The following DNER variants were observed in gnomAD, a reference collection of about 807,000 sequenced individuals.
The protein encoded by DNER is delta and Notch-like epidermal growth factor-related receptor.
Under a neutral mutation model 78.2 loss-of-function variants are expected in DNER, and 33 were observed. The ratio of observed to expected loss-of-function variants is 0.42; its 90% CI spans 0.32 to 0.56. DNER has a LOEUF of 0.56. Ranked by LOEUF, DNER falls within the 20% of genes least tolerant of loss-of-function variation. The pLI, the probability that DNER is intolerant of heterozygous loss-of-function variation, is 0.11. For missense variants in DNER, 918 were observed against 975.3 expected (o/e 0.94, Z 0.78); for synonymous variants, 417 against 384.8 (o/e 1.08, Z -0.98).
At chr2:229,608,015 C>T (rs1183613975) in intron 1 of DNER, among the ~76,000 whole-genome samples, 1 of 99,804 alleles carries the variant, frequency 1.0e-5, no homozygotes, top group African/African-American at 4.0e-5. Flanking sequence ...GAGCGAAACT[C>T]TGTCTCAAAA....
At chr2:229,631,320 A>G (rs1361361724) in intron 1 of DNER, among the ~76,000 whole-genome samples, 1 of 152,114 alleles carries the variant, frequency 6.6e-6, no homozygotes, top group Non-Finnish European at 1.5e-5. Flanking sequence ...TTGTGGCTAC[A>G]AGTGTTTCCT....
At chr2:229,367,838 A>G (rs1365844821) in intron 11 of DNER, among the ~76,000 whole-genome samples, 1 of 152,208 alleles carries the variant, frequency 6.6e-6, no homozygotes, top group East Asian at 1.9e-4. Context: ...GCTCTGACCC[A>G]GATATTCCCA....
At chr2:229,553,694 C>T (rs1439013465) in intron 4 of DNER, among the ~76,000 whole-genome samples, 6 of 152,150 alleles carry the variant, frequency 3.9e-5, no homozygotes, top group African/African-American at 1.2e-4. Flanking sequence ...CAGGTTCCTC[C>T]GTACTTCAAT....
At chr2:229,392,004 G>A (rs746924180) in intron 10 of DNER, among the ~76,000 whole-genome samples, 16 of 152,084 alleles carry the variant, frequency 1.1e-4, no homozygotes, top group Non-Finnish European at 2.4e-4. Context: ...AGTCACCGCT[G>A]TTAGTAAATC....
intron 5 of DNER, among the ~76,000 whole-genome samples, chr2:229,514,861 C>T (rs1695938269): frequency 6.6e-6 from 1 of 152,210 alleles, no homozygotes; most frequent in Non-Finnish European, 1.5e-5. Flanking sequence ...TTTAGCTCGA[C>T]CAAACTGCCA....
At chr2:229,554,924 AGAGAAGAGAAGAGAGAAAAGGG>A (rs1696826575) in intron 4 of DNER, among the ~76,000 whole-genome samples, 278 of 50,176 alleles carry the variant, frequency 5.5e-3, no homozygotes, top group Middle Eastern at 0.021. Flanking sequence ...AGAGAAGAGA[AGAGAAGAGAAGAGAGAAAAGGG>A]AAGGGAAGGG....
intron 5 of DNER, among the ~76,000 whole-genome samples, chr2:229,533,415 C>T (rs1472847516): frequency 2.0e-5 from 3 of 152,072 alleles, no homozygotes; most frequent in Admixed American, 6.5e-5. Flanking sequence ...GAGGCAAAGC[C>T]GCGGCTTTGA....
At chr2:229,401,494 TA>T (rs1222967778) in intron 10 of DNER, among the ~76,000 whole-genome samples, 1 of 151,666 alleles carries the variant, frequency 6.6e-6, no homozygotes, top group Non-Finnish European at 1.5e-5. Context: ...TGCTCAGCAA[TA>T]AAAAGGGAGA....
intron 10 of DNER, among the ~76,000 whole-genome samples, chr2:229,393,004 C>T (rs1472956215): frequency 6.6e-6 from 1 of 151,742 alleles, no homozygotes; most frequent in Non-Finnish European, 1.5e-5. Context: ...TGAGAGCTAG[C>T]AGACAAAAAA....
chr2:229,600,606 T>G (rs893776345), intron 1 of DNER, among the ~76,000 whole-genome samples: 4 of 152,230 alleles, frequency 2.6e-5, no homozygotes, highest in Non-Finnish European at 5.9e-5. Flanking sequence ...CATAATTATG[T>G]GCAGGAAGGT....
intron 7 of DNER, among the ~76,000 whole-genome samples, chr2:229,471,123 A>T (rs1694915556): frequency 1.3e-5 from 2 of 152,112 alleles, no homozygotes; most frequent in South Asian, 4.1e-4. Context: ...CACCAAGATC[A>T]TACATGTTAG....
chr2:229,573,826 C>T (rs1222654207), intron 4 of DNER, among the ~76,000 whole-genome samples: 1 of 152,172 alleles, frequency 6.6e-6, no homozygotes, highest in Non-Finnish European at 1.5e-5. Flanking sequence ...ATTTCCTAAC[C>T]TTCCTGGCCA....
intron 6 of DNER, among the ~76,000 whole-genome samples, chr2:229,509,873 A>G (rs1202839842): frequency 6.6e-6 from 1 of 152,236 alleles, no homozygotes; most frequent in East Asian, 1.9e-4. Flanking sequence ...AAAGAGTCAC[A>G]CACACAAATG....
rs528508926 is a variant in DNER at position 229,362,212 on chromosome 2, T to G, written c.2103-3561A>C. On this transcript the variant is annotated intron_variant, in intron 12 of 12. Transcript: ENST00000341772. ...ATTCCATTGTCTTGTTTTCACTGATTGATCATCTCATCTCATCATCATAAC... is the reference window on the plus strand; with the variant it reads ...ATTCCATTGTCTTGTTTTCACTGATGGATCATCTCATCTCATCATCATAAC... 1.3e-3 allele frequency among the ~76,000 whole-genome samples: 204 copies of G among 152,334 alleles called. 1 individual carries two copies. Among genetic ancestry groups the G allele is most frequent in the African/African-American group, 4.8e-3 (198 of 41,574 alleles).
chr2:229,595,215 C>T (rs1385166806), intron 1 of DNER, among the ~76,000 whole-genome samples: 1 of 152,018 alleles, frequency 6.6e-6, no homozygotes, highest in Non-Finnish European at 1.5e-5. Context: ...TTCTATTTTA[C>T]AGTTGAGGCT....
intron 1 of DNER, among the ~76,000 whole-genome samples, chr2:229,602,745 G>A (rs1237964678): frequency 6.6e-6 from 1 of 152,068 alleles, no homozygotes; most frequent in African/African-American, 2.4e-5. Context: ...TAAATCAAAT[G>A]TTAAAAATGC....
chr2:229,712,334 G>A (rs547222989), intron 1 of DNER, among the ~76,000 whole-genome samples: 1 of 152,254 alleles, frequency 6.6e-6, no homozygotes, highest in African/African-American at 2.4e-5. Context: ...TCATCTTTAG[G>A]TGGCACTAAA....
chr2:229,511,327 C>T (rs1695860089), intron 6 of DNER, among the ~76,000 whole-genome samples: 2 of 152,196 alleles, frequency 1.3e-5, no homozygotes, highest in African/African-American at 4.8e-5. Context: ...TTTTAAGATG[C>T]ATCAAAATAG....
At chr2:229,388,222 T>C (rs1171924476) in intron 11 of DNER, 43 bp downstream of exon 11, 1 of 1,577,996 alleles carries the variant, frequency 6.3e-7, no homozygotes, top group South Asian at 1.2e-5. Flanking sequence ...AAGTAACAGC[T>C]ATAAATGTTA....
Sources: gnomAD v4.1 joint callset for allele counts (sites outside exome capture counted in the v4.1 genomes callset) on GRCh38, gnomAD v4.1.1 for gene constraint, MANE v1.5 for transcripts, NCBI Gene and HGNC (gene_info 2026-07-23, HGNC 2026-07-21) for gene names.